Variants in NCOA2 observed in about 807,000 individuals in gnomAD.
NCOA2 encodes the protein class E basic helix-loop-helix protein 75.
Under a neutral mutation model 145.1 loss-of-function variants are expected in NCOA2, and 21 were observed. The observed-to-expected ratio is 0.14, with a 90% CI of 0.10 to 0.21. The LOEUF is 0.21. Among genes scored for constraint, NCOA2 ranks in the 10% least tolerant of loss-of-function variants. NCOA2 has a pLI of 1.00. For missense variants in NCOA2, 1,472 were observed against 1,837.6 expected (o/e 0.80, Z 3.64); for synonymous variants, 619 against 637.5 (o/e 0.97, Z 0.44).
intron 1 of NCOA2, among the ~76,000 whole-genome samples, chr8:70,316,947 A>G (rs189817471): frequency 2.6e-4 from 40 of 152,124 alleles, no homozygotes; most frequent in Admixed American, 1.9e-3. Flanking sequence ...TCTTCCTCAC[A>G]CTGTTCGGAA....
chr8:70,152,784 G>T (rs182762098), intron 11 of NCOA2, among the ~76,000 whole-genome samples: 1 of 152,192 alleles, frequency 6.6e-6, no homozygotes, highest in Non-Finnish European at 1.5e-5. Flanking sequence ...AGTACTTCCT[G>T]TCATTAATAA....
rs112309773 is a variant in NCOA2 at position 70,293,495 on chromosome 8, T to C, written c.-20+3249A>G. On this transcript the variant is annotated intron_variant, in intron 2 of 22. Transcript: ENST00000452400. ...GGTACTACATGAAGTATATATTGTG[T>C]TTTATTGTACAGTGGAGAACTTCTC... 3.1e-3 allele frequency among the ~76,000 whole-genome samples: 473 copies of C among 152,334 alleles called. 5 individuals carry two copies. Among genetic ancestry groups the C allele is most frequent in the African/African-American group, 0.011 (460 of 41,580 alleles).
In NCOA2 at chr8:70,403,366, C is replaced by A. The variant is rs977226502; in HGVS notation, c.-77+334G>T. 8.6e-5 allele frequency among the ~76,000 whole-genome samples: 13 copies of A among 151,342 alleles called. 1 individual carries two copies. Among genetic ancestry groups the A allele is most frequent in the Admixed American group, 8.6e-4 (13 of 15,156 alleles). ...CCGCGCCGCGGGCTGCAGCCTCCGCCCGCCTCGCGCTCCGGGACTCGTCTC... is the reference window on the plus strand; with the variant it reads ...CCGCGCCGCGGGCTGCAGCCTCCGCACGCCTCGCGCTCCGGGACTCGTCTC... On this transcript the variant is annotated intron_variant, in intron 1 of 22. Coordinates refer to ENST00000452400, the MANE Select transcript of NCOA2 (RefSeq NM_006540.4).
chr8:70,152,226 A>C (rs1177644994), intron 11 of NCOA2, among the ~76,000 whole-genome samples: 1 of 152,250 alleles, frequency 6.6e-6, no homozygotes, highest in Non-Finnish European at 1.5e-5. Flanking sequence ...AATGAAAATC[A>C]GACTTGATTT....
chr8:70,207,656 G>A (rs1461713586), intron 4 of NCOA2, among the ~76,000 whole-genome samples: 2 of 151,944 alleles, frequency 1.3e-5, no homozygotes, highest in East Asian at 1.9e-4. Flanking sequence ...CTTAGGTTAG[G>A]AGTTTGAGAC....
chr8:70,448,235 T>C, the NCOA2 span, among the ~76,000 whole-genome samples: 1 of 152,216 alleles, frequency 6.6e-6, no homozygotes, highest in Non-Finnish European at 1.5e-5. Context: ...AAGAAAGTTT[T>C]ATTGATCTTT....
chr8:70,403,711 G>A lies in NCOA2; in HGVS notation c.-88C>T, dbSNP rs998759922. ...GAAGGCGCGGTTACCGGCTCGGGTCGGTCACGCCGTCAGGTGCCGGCTGCC... is the reference window on the plus strand; with the variant it reads ...GAAGGCGCGGTTACCGGCTCGGGTCAGTCACGCCGTCAGGTGCCGGCTGCC... On this transcript the variant is annotated 5_prime_UTR_variant, in exon 1 of 23. Transcript: ENST00000452400. 5 of 395,734 alleles carry A rather than the reference G, an allele frequency of 1.3e-5. No homozygotes were observed. The highest frequency in any genetic ancestry group is 1.0e-4 in the African/African-American group (5 of 48,456). The allele number at this position is 395,734 out of a possible 1,614,324, so 24.5% of individuals were successfully genotyped here.
At chr8:70,330,677 G>T (rs1361299479) in intron 1 of NCOA2, among the ~76,000 whole-genome samples, 1 of 151,658 alleles carries the variant, frequency 6.6e-6, no homozygotes, top group Non-Finnish European at 1.5e-5. Context: ...ATTAAAATTT[G>T]GAAAAGTCTT....
At chr8:70,195,992 A>G (rs189640582) in intron 4 of NCOA2, among the ~76,000 whole-genome samples, 91 of 152,356 alleles carry the variant, frequency 6.0e-4, no homozygotes, top group African/African-American at 2.1e-3. Flanking sequence ...AAGACAACAG[A>G]AAGGCATGAG....
At chr8:70,220,315 C>T (rs910603598) in intron 2 of NCOA2, among the ~76,000 whole-genome samples, 4 of 152,114 alleles carry the variant, frequency 2.6e-5, no homozygotes, top group Non-Finnish European at 5.9e-5. Flanking sequence ...CTGAAAATGA[C>T]ACAAGTAAAC....
At chr8:70,276,074 C>G (rs912222139) in intron 2 of NCOA2, among the ~76,000 whole-genome samples, 1 of 152,022 alleles carries the variant, frequency 6.6e-6, no homozygotes, top group African/African-American at 2.4e-5. Flanking sequence ...TCAATATTTG[C>G]TGTTAATTTT....
chr8:70,388,623 A>G (rs1812888399), intron 1 of NCOA2, among the ~76,000 whole-genome samples: 1 of 152,232 alleles, frequency 6.6e-6, no homozygotes, highest in East Asian at 1.9e-4. Flanking sequence ...ATCTTTGTAT[A>G]CTAGTGTCTG....
Position 70,226,819 on chromosome 8 carries a change from T to C in NCOA2, c.-19-10055A>G, listed in dbSNP as rs528591975. Among the ~76,000 whole-genome samples the C allele has an allele frequency of 8.1e-4, 124 of 152,232 alleles. 2 individuals are homozygous for C. Among genetic ancestry groups the C allele is most frequent in the South Asian group, 7.0e-3 (34 of 4,834 alleles). ...TATGGACTTCTCATGTTTTTTCTTC[T>C]ACCAACTCTTTCAGAGCAAGAAATA... is the stretch of plus-strand genomic sequence containing the variant. On this transcript the variant is annotated intron_variant, in intron 2 of 22. Transcript: ENST00000452400.
At chr8:70,236,960 C>T (rs934938507) in intron 2 of NCOA2, among the ~76,000 whole-genome samples, 3 of 152,080 alleles carry the variant, frequency 2.0e-5, no homozygotes, top group African/African-American at 7.2e-5. Context: ...CTTATTTATG[C>T]CTTTTCCCTA....
the NCOA2 span, among the ~76,000 whole-genome samples, chr8:70,418,633 G>A: frequency 7.2e-5 from 11 of 152,130 alleles, no homozygotes; most frequent in African/African-American, 2.7e-4. Flanking sequence ...CTAGTGGTAG[G>A]TCAATTACAT....
intron 2 of NCOA2, among the ~76,000 whole-genome samples, chr8:70,243,484 T>C (rs1471382984): frequency 6.6e-6 from 1 of 152,094 alleles, no homozygotes; most frequent in East Asian, 1.9e-4. Context: ...TGTTCCCATA[T>C]TGTTTCATAC....
chr8:70,447,350 G>A, the NCOA2 span, among the ~76,000 whole-genome samples: 1 of 152,106 alleles, frequency 6.6e-6, no homozygotes, highest in Non-Finnish European at 1.5e-5. Flanking sequence ...CTGCTTTGGG[G>A]CAAGCCATGA....
At chr8:70,340,455 C>T (rs117135129) in intron 1 of NCOA2, among the ~76,000 whole-genome samples, 466 of 152,176 alleles carry the variant, frequency 3.1e-3, no homozygotes, top group African/African-American at 4.2e-3. Flanking sequence ...CAAATGCTAG[C>T]GAGGTTGCAG....
chr8:70,203,856 A>G (rs796751529), intron 4 of NCOA2, among the ~76,000 whole-genome samples: 2 of 152,212 alleles, frequency 1.3e-5, no homozygotes, highest in African/African-American at 4.8e-5. Context: ...CAAAACCAAT[A>G]TATCTAATAT....
Sources: allele counts gnomAD v4.1 joint callset (sites outside exome capture counted in the v4.1 genomes callset), GRCh38; gene constraint gnomAD v4.1.1; transcripts MANE v1.5; gene names NCBI Gene and HGNC (gene_info 2026-07-23, HGNC 2026-07-21).